CIB2: variants seen among roughly 807,000 people sequenced by gnomAD.
The protein encoded by CIB2 is calcium and integrin binding family member 2.
In CIB2, 19 loss-of-function variants were observed where a neutral mutation model predicts 23.1. The ratio of observed to expected loss-of-function variants is 0.82; its 90% CI spans 0.57 to 1.21. The LOEUF is 1.21. Ranked by LOEUF, CIB2 falls within the 50% of genes most tolerant of loss-of-function variation. The pLI, the probability that CIB2 is intolerant of heterozygous loss-of-function variation, is 0.00. For missense variants in CIB2, 220 were observed against 241.5 expected, an observed-to-expected ratio of 0.91 and a Z score of 0.59; for synonymous variants, 94 against 91.7, an observed-to-expected ratio of 1.03 and a Z score of -0.14.
intron 2 of CIB2, among the ~76,000 whole-genome samples, chr15:78,114,283 C>G (rs181872857): frequency 6.6e-6 from 1 of 152,230 alleles, no homozygotes; most frequent in East Asian, 1.9e-4. Flanking sequence ...CAGATCTGTT[C>G]TAAAACAGTA....
intron 1 of CIB2, among the ~76,000 whole-genome samples, chr15:78,127,443 C>T (rs752099688): frequency 6.6e-5 from 10 of 152,114 alleles, no homozygotes; most frequent in Non-Finnish European, 1.5e-4. Context: ...GTGATGGGCT[C>T]TCAGAACATT....
chr15:78,112,987 C>T (rs532765338), intron 2 of CIB2, among the ~76,000 whole-genome samples: 1 of 152,324 alleles, frequency 6.6e-6, no homozygotes, highest in Non-Finnish European at 1.5e-5. Flanking sequence ...CTGTGGATTG[C>T]TTTACTTATT....
At chr15:78,130,254 A>G (rs1206640697) in intron 1 of CIB2, among the ~76,000 whole-genome samples, 1 of 152,114 alleles carries the variant, frequency 6.6e-6, no homozygotes, top group Non-Finnish European at 1.5e-5. Flanking sequence ...GGAGGGGGGA[A>G]AGGCATCCAG....
At position 78,120,756 on chromosome 15, in the gene CIB2, A is replaced by G. The variant is rs1440607209; in HGVS notation, c.86+2949T>C. 6.1e-6 allele frequency: 6 copies of G among 985,316 alleles called. No individual in the cohort carries two copies. The African/African-American group carries it at 7.0e-5, about 11-fold the overall frequency. 61.0% of individuals were successfully genotyped at this position (985,316 alleles called of 1,614,324 possible). On this transcript the variant is annotated intron_variant, in intron 2 of 5. Transcript: ENST00000258930. ...AAAGTTGCCACAGAGCTGGGCCCCA[A>G]CCTGCAAAGAAAAACCTCCTGCTCA... is the stretch of plus-strand genomic sequence containing the variant.
Position 78,131,171 on chromosome 15 carries a change from G to A in CIB2, c.45C>T (p.Asn15=), listed in dbSNP as rs1382184554. 1 of 1,591,482 alleles carries A rather than the reference G, an allele frequency of 6.3e-7. No individual in the cohort carries two copies. Among genetic ancestry groups the A allele is most frequent in the Non-Finnish European group, 8.5e-7 (1 of 1,170,636 alleles). The change falls in exon 1 of 6, where the codon AAC becomes AAT. Residue 15 remains asparagine (N), a synonymous_variant. Transcript: ENST00000258930. The surrounding 1 kb of genome is among the most constrained non-coding windows in gnomAD (Gnocchi z 5.8). The part of the protein sequence containing the change: ...QTIFTEEQLD[N]YQDCTFFNKK... ...CCGGGCGCGCCGAGCTCACCTGGTA[G>A]TTGTCTAGCTGCTCTTCGGTGAAGA...
chr15:78,124,513 G>A (rs1487030219), intron 1 of CIB2, among the ~76,000 whole-genome samples: 1 of 152,128 alleles, frequency 6.6e-6, no homozygotes, highest in Non-Finnish European at 1.5e-5. Flanking sequence ...TCCACAGCTT[G>A]GCCTGCCCAA....
intron 2 of CIB2, among the ~76,000 whole-genome samples, chr15:78,120,156 G>A (rs1316850437): frequency 3.3e-5 from 5 of 151,930 alleles, no homozygotes; most frequent in African/African-American, 7.3e-5. Flanking sequence ...CACCGGCCTC[G>A]GCCTCTCAAA....
rs1452860362 is a variant in CIB2, at chr15:78,105,883, GC to G, written c.397del (p.Ala133ProfsTer40). The G allele has an allele frequency of 6.2e-7, 1 of 1,614,058 alleles. No homozygotes were observed. Among genetic ancestry groups the G allele is most frequent in the African/African-American group, 1.3e-5 (1 of 74,902 alleles). ...ICKEDLELTL[A>X]RLTKSELDEE... ...ATCCAGCTCTGACTTAGTGAGCCGG[GC>G]CAGCGTCAGCTCCAGGTCCTCCTTG... is the stretch of plus-strand genomic sequence containing the variant. On this transcript the variant is annotated frameshift_variant, in exon 5 of 6. Transcript: ENST00000258930. LOFTEE classifies it high-confidence loss of function.
At position 78,131,062 on chromosome 15, in the gene CIB2, C is replaced by A; in HGVS notation, c.51+103G>T. 4 of 1,057,398 alleles carry A rather than the reference C, an allele frequency of 3.8e-6. No individual in the cohort carries two copies. The highest frequency in any genetic ancestry group is 5.4e-6 in the Non-Finnish European group (4 of 747,554). 65.5% of individuals were successfully genotyped at this position (1,057,398 alleles called of 1,614,324 possible). On this transcript the variant is annotated intron_variant, in intron 1 of 5. Transcript: ENST00000258930. The surrounding 1 kb of genome is among the most constrained non-coding windows in gnomAD (Gnocchi z 5.8). ...GCTGAAGGCAGAGGCAGGGTTTGAA[C>A]CTGGGAGAGCTGGCTCTCGGGAGGC...
intron 1 of CIB2, among the ~76,000 whole-genome samples, chr15:78,127,311 G>A (rs1407103828): frequency 6.6e-6 from 1 of 152,136 alleles, no homozygotes; most frequent in Non-Finnish European, 1.5e-5. Context: ...GAGAGCAAGT[G>A]CCCCATCACT....
chr15:78,112,970 ATCT>A (rs2074182622), intron 2 of CIB2, among the ~76,000 whole-genome samples: 2 of 152,240 alleles, frequency 1.3e-5, no homozygotes, highest in Admixed American at 1.3e-4. Flanking sequence ...CCCTGAACTA[ATCT>A]TCTCTGTGGA....
intron 1 of CIB2, among the ~76,000 whole-genome samples, chr15:78,127,110 AG>A (rs1243993868): frequency 6.6e-6 from 1 of 152,198 alleles, no homozygotes; most frequent in Non-Finnish European, 1.5e-5. Flanking sequence ...GGAAGTCTAT[AG>A]GCCCCAGCTG....
chr15:78,111,129 G>T, intron 3 of CIB2, 36 bp downstream of exon 3: 1 of 1,580,098 alleles, frequency 6.3e-7, no homozygotes, highest in Non-Finnish European at 8.7e-7. Context: ...CAGAGGCACA[G>T]ATCCCCTGCT....
At chr15:78,119,654 C>T (rs1023854563) in intron 2 of CIB2, among the ~76,000 whole-genome samples, 1 of 152,038 alleles carries the variant, frequency 6.6e-6, no homozygotes, top group African/African-American at 2.4e-5. Flanking sequence ...GCAACCTCCG[C>T]CTCCTGGGTC....
intron 2 of CIB2, among the ~76,000 whole-genome samples, chr15:78,123,168 G>A (rs2074341286): frequency 6.6e-6 from 1 of 152,204 alleles, no homozygotes; most frequent in African/African-American, 2.4e-5. Context: ...CTGATGAATA[G>A]CTCAGGGGTG....
Position 78,105,900 on chromosome 15 carries a change from GT to G in CIB2, c.380del (p.Asp127AlafsTer4), listed in dbSNP as rs1411293744. ...FNTDNFICKE[D>X]LELTLARLTK... Reference sequence around the variant, plus strand: ...TGAGCCGGGCCAGCGTCAGCTCCAGGTCCTCCTTGCAGATGAAGTTGTCAGT... The same window carrying G: ...TGAGCCGGGCCAGCGTCAGCTCCAGGCCTCCTTGCAGATGAAGTTGTCAGT... On this transcript the variant is annotated frameshift_variant, in exon 5 of 6. Coordinates refer to ENST00000258930, the MANE Select transcript of CIB2 (RefSeq NM_006383.4). LOFTEE classifies it high-confidence loss of function. 1 of 1,614,062 alleles carries G rather than the reference GT, an allele frequency of 6.2e-7. No individual in the cohort carries two copies. Among genetic ancestry groups the G allele is most frequent in the Non-Finnish European group, 8.5e-7 (1 of 1,180,036 alleles).
intron 4 of CIB2, among the ~76,000 whole-genome samples, chr15:78,109,004 G>A (rs1302644839): frequency 1.3e-5 from 2 of 152,192 alleles, no homozygotes; most frequent in East Asian, 1.9e-4. Context: ...CTAACCACCC[G>A]ACCTGGGATG....
intron 1 of CIB2, among the ~76,000 whole-genome samples, chr15:78,124,184 G>A (rs2074353903): frequency 6.6e-6 from 1 of 152,102 alleles, no homozygotes; most frequent in African/African-American, 2.4e-5. Flanking sequence ...GGTGCTAGGG[G>A]GGTTGTGCAG....
At chr15:78,120,473 T>C (rs1251055930) in intron 2 of CIB2, 2 of 878,956 alleles carry the variant, frequency 2.3e-6, no homozygotes, top group Non-Finnish European at 2.7e-6. Context: ...TGGGTGGGCC[T>C]CTCTGTGTAC....
Sources: gnomAD v4.1 joint callset for allele counts (sites outside exome capture counted in the v4.1 genomes callset) on GRCh38, gnomAD v4.1.1 for gene constraint, Gnocchi (gnomAD v3.1) non-coding constraint, MANE v1.5 for transcripts, NCBI Gene and HGNC (gene_info 2026-07-23, HGNC 2026-07-21) for gene names.